The following ANKS1B variants were observed in gnomAD, a reference collection of about 807,000 sequenced individuals.
The protein encoded by ANKS1B is ankyrin repeat and sterile alpha motif domain-containing protein 1B.
A neutral mutation model predicts 148.3 loss-of-function variants in ANKS1B; 36 were observed. The ratio of observed to expected loss-of-function variants is 0.24; its 90% CI spans 0.19 to 0.32. ANKS1B has a LOEUF of 0.32. ANKS1B is among the 10% of genes least tolerant of loss of function. ANKS1B has a pLI of 1.00. For synonymous variants in ANKS1B, 542 were observed against 560.8 expected, an observed-to-expected ratio of 0.97 and a Z score of 0.47; for missense variants, 1,157 against 1,542.6, an observed-to-expected ratio of 0.75 and a Z score of 4.19.
chr12:99,960,560 A>T (rs1161341400), intron 1 of ANKS1B, among the ~76,000 whole-genome samples: 1 of 152,194 alleles, frequency 6.6e-6, no homozygotes, highest in Non-Finnish European at 1.5e-5. Context: ...ATCAGAGAGA[A>T]AAGAGGCAGG....
At chr12:99,901,725 A>C (rs2093607544) in intron 1 of ANKS1B, among the ~76,000 whole-genome samples, 1 of 152,134 alleles carries the variant, frequency 6.6e-6, no homozygotes, top group Non-Finnish European at 1.5e-5. Flanking sequence ...TTTCTACTAC[A>C]TTATGCTTCA....
At chr12:99,681,379 T>C (rs1172006332) in intron 8 of ANKS1B, among the ~76,000 whole-genome samples, 1 of 152,154 alleles carries the variant, frequency 6.6e-6, no homozygotes, top group Non-Finnish European at 1.5e-5. Flanking sequence ...ACAACTAGCA[T>C]TGAGAAAACC....
At chr12:99,205,169 C>T (rs969113051) in intron 14 of ANKS1B, among the ~76,000 whole-genome samples, 6 of 152,222 alleles carry the variant, frequency 3.9e-5, no homozygotes, top group South Asian at 2.1e-4. Context: ...CAAGAGAGTG[C>T]GAGATGATGG....
intron 10 of ANKS1B, among the ~76,000 whole-genome samples, chr12:99,486,455 C>CTTATTTATTTAT (rs145790526): frequency 1.4e-5 from 2 of 146,844 alleles, no homozygotes; most frequent in Non-Finnish European, 3.0e-5. Context: ...ATGGCATGTG[C>CTTATTTATTTAT]TTATTTATTT....
At chr12:99,352,950 C>T (rs1430706748) in intron 12 of ANKS1B, among the ~76,000 whole-genome samples, 2 of 151,990 alleles carry the variant, frequency 1.3e-5, no homozygotes, top group Non-Finnish European at 2.9e-5. Context: ...ATGAAGGGTA[C>T]ATTTCACCTT....
intron 9 of ANKS1B, among the ~76,000 whole-genome samples, chr12:99,562,280 T>C (rs2097344417): frequency 2.0e-5 from 3 of 152,142 alleles, no homozygotes; most frequent in African/African-American, 2.4e-5. Context: ...TTAAGGGCCC[T>C]ATGATTTTCA....
Position 98,889,334 on chromosome 12 carries a change from C to A in ANKS1B, c.2779-57198G>T, listed in dbSNP as rs180716231. Reference sequence around the variant, plus strand: ...ACTTTTGTGAATATTCTGAAGGGAACGTCAGAACCTTTTTTATTTTTTTTT... The same window carrying A: ...ACTTTTGTGAATATTCTGAAGGGAAAGTCAGAACCTTTTTTATTTTTTTTT... On this transcript the variant is annotated intron_variant, in intron 17 of 26. Transcript: ENST00000683438. 1.4e-3 allele frequency among the ~76,000 whole-genome samples: 218 copies of A among 151,210 alleles called. 1 individual carries two copies. The highest frequency in any genetic ancestry group is 5.2e-3 in the African/African-American group (214 of 41,410).
At chr12:99,089,286 C>T (rs565311710) in intron 15 of ANKS1B, among the ~76,000 whole-genome samples, 2 of 152,100 alleles carry the variant, frequency 1.3e-5, no homozygotes, top group Admixed American at 6.6e-5. Context: ...CTACCCAGTA[C>T]ACTCCAGTCC....
intron 1 of ANKS1B, among the ~76,000 whole-genome samples, chr12:99,849,232 G>C (rs1406938351): frequency 1.3e-5 from 2 of 151,548 alleles, no homozygotes; most frequent in Non-Finnish European, 2.9e-5. Context: ...ATTTCAAAAA[G>C]AATATTCAAA....
At chr12:99,608,834 T>C (rs1331201137) in intron 9 of ANKS1B, among the ~76,000 whole-genome samples, 1 of 152,028 alleles carries the variant, frequency 6.6e-6, no homozygotes, top group African/African-American at 2.4e-5. Flanking sequence ...TGATGTTTTC[T>C]CTTAGTAATT....
intron 17 of ANKS1B, among the ~76,000 whole-genome samples, chr12:99,050,123 A>G (rs117031035): frequency 0.011 from 1,705 of 152,338 alleles, 45 homozygotes; most frequent in East Asian, 0.093. Flanking sequence ...TTCTTAGTAT[A>G]GGATTATTCA....
chr12:98,939,900 A>C (rs968081528), intron 17 of ANKS1B, among the ~76,000 whole-genome samples: 3 of 152,232 alleles, frequency 2.0e-5, no homozygotes, highest in Non-Finnish European at 1.5e-5. Context: ...TTTTTCTCAC[A>C]TGGCACACTG....
At chr12:99,107,822 G>A (rs1284202684) in intron 15 of ANKS1B, among the ~76,000 whole-genome samples, 3 of 152,140 alleles carry the variant, frequency 2.0e-5, no homozygotes, top group South Asian at 2.1e-4. Context: ...GACACAGGGA[G>A]GTCTGAGTAG....
At chr12:99,275,073 A>G (rs1292740479) in intron 12 of ANKS1B, among the ~76,000 whole-genome samples, 2 of 152,164 alleles carry the variant, frequency 1.3e-5, no homozygotes, top group African/African-American at 4.8e-5. Flanking sequence ...TTGTGGGTAG[A>G]TAGTAGGTGT....
intron 14 of ANKS1B, among the ~76,000 whole-genome samples, chr12:99,189,128 C>T (rs1162882345): frequency 6.6e-6 from 1 of 152,120 alleles, no homozygotes; most frequent in East Asian, 1.9e-4. Flanking sequence ...TACTTCCTCC[C>T]AAGCCTAAAC....
intron 8 of ANKS1B, among the ~76,000 whole-genome samples, chr12:99,728,613 C>G (rs1362736090): frequency 2.0e-5 from 3 of 152,122 alleles, no homozygotes. Context: ...GACCCAGCAA[C>G]CCCATTACTG....
downstream of ANKS1B, among the ~76,000 whole-genome samples, chr12:98,739,937 C>G (rs897486527): frequency 2.6e-5 from 4 of 152,170 alleles, no homozygotes; most frequent in African/African-American, 9.7e-5. Context: ...ACCTCCTTCT[C>G]CTTATGGCCA....
chr12:99,226,006 A>G (rs1032286206), intron 14 of ANKS1B, among the ~76,000 whole-genome samples: 3 of 152,150 alleles, frequency 2.0e-5, no homozygotes, highest in African/African-American at 7.2e-5. Flanking sequence ...TATCTAGTTC[A>G]TACCTTTTAC....
rs946393552 is a variant in ANKS1B at position 99,779,722 on chromosome 12, T to C, written c.847+149A>G. 4.9e-5 allele frequency: 29 copies of C among 589,924 alleles called. No individual in the cohort carries two copies. In the African/African-American group the frequency reaches 5.3e-4, roughly 11 times the overall value. 36.5% of individuals were successfully genotyped at this position (589,924 alleles called of 1,614,324 possible). A position where few individuals can be genotyped will look rare whatever the true frequency, so the allele number is the denominator to read the frequency against. ...AAAAATAAAACATTAAAAGGTATTA[T>C]TATTTAGTTTAAAAGTCTACCAGAA... On this transcript the variant is annotated intron_variant, in intron 6 of 26. Transcript: ENST00000683438.
Sources: allele counts gnomAD v4.1 joint callset (sites outside exome capture counted in the v4.1 genomes callset), GRCh38; gene constraint gnomAD v4.1.1; transcripts MANE v1.5; gene names NCBI Gene and HGNC (gene_info 2026-07-23, HGNC 2026-07-21).